Variants in EPN2 observed in about 807,000 individuals in gnomAD.
EPN2 encodes the protein epsin 2.
In EPN2, 34 loss-of-function variants were observed where a neutral mutation model predicts 61.7. The observed-to-expected ratio is 0.55, with a 90% confidence interval of 0.42 to 0.73. The LOEUF is 0.73. EPN2 is among the 30% of genes least tolerant of loss of function. The pLI, the probability that EPN2 is intolerant of heterozygous loss-of-function variation, is 0.00. For missense variants in EPN2, 714 were observed against 839.2 expected, an observed-to-expected ratio of 0.85 and a Z score of 1.84; for synonymous variants, 349 against 353.6, an observed-to-expected ratio of 0.99 and a Z score of 0.15.
Position 19,334,427 on chromosome 17 carries a change from C to A in EPN2, c.*173C>A, listed in dbSNP as rs969107800. 2.1e-6 allele frequency: 1 copy of A among 471,644 alleles called. No individual in the cohort carries two copies. The highest frequency in any genetic ancestry group is 3.5e-6 in the Non-Finnish European group (1 of 283,818). The allele number at this position is 471,644 out of a possible 1,614,324, so 29.2% of individuals were successfully genotyped here. On this transcript the variant is annotated 3_prime_UTR_variant, in exon 11 of 11. Transcript: ENST00000314728. This position sits in a 1 kb window ranked among gnomAD's most constrained non-coding sequence, Gnocchi z 4.9. ...GCCCCAACCCTCAGACCCTCGCCTT[C>A]CAAGGCAGGCCCCTCAGCCTGGCCT...
intron 1 of EPN2, among the ~76,000 whole-genome samples, chr17:19,258,616 G>T (rs778261518): frequency 6.6e-6 from 1 of 152,178 alleles, no homozygotes; most frequent in Non-Finnish European, 1.5e-5. Flanking sequence ...AAATGTGTTT[G>T]CCTGAGACTC....
chr17:19,319,622 C>T (rs375501623), intron 7 of EPN2, among the ~76,000 whole-genome samples: 2 of 151,398 alleles, frequency 1.3e-5, no homozygotes, highest in Non-Finnish European at 2.9e-5. Context: ...TGAGCCACCT[C>T]GCCTGGCCCC....
intron 1 of EPN2, among the ~76,000 whole-genome samples, chr17:19,238,197 G>A (rs541759071): frequency 6.6e-6 from 1 of 152,200 alleles, no homozygotes; most frequent in Non-Finnish European, 1.5e-5. Context: ...CGCGTGGGAT[G>A]GCAGAGACCC....
chr17:19,265,601 T>G (rs1272953948), intron 1 of EPN2, among the ~76,000 whole-genome samples: 1 of 152,146 alleles, frequency 6.6e-6, no homozygotes, highest in Non-Finnish European at 1.5e-5. Context: ...GGCCGATGTC[T>G]ACTTGCCTCC....
chr17:19,301,885 G>A (rs1419704196), intron 4 of EPN2, among the ~76,000 whole-genome samples: 1 of 152,258 alleles, frequency 6.6e-6, no homozygotes, highest in African/African-American at 2.4e-5. Context: ...GCCTAGAGGA[G>A]GCCCTGCTTG....
intron 4 of EPN2, chr17:19,307,777 C>T: frequency 2.5e-6 from 1 of 401,142 alleles, no homozygotes; most frequent in Non-Finnish European, 3.4e-6. Context: ...CAGCCCTCTG[C>T]CCAGAAGCAG....
At chr17:19,242,926 T>C (rs568079401) in intron 1 of EPN2, among the ~76,000 whole-genome samples, 3 of 152,350 alleles carry the variant, frequency 2.0e-5, no homozygotes, top group Non-Finnish European at 4.4e-5. Flanking sequence ...GCTCGATAGC[T>C]GAGAACACCA....
chr17:19,302,258 C>T (rs1270429303), intron 4 of EPN2, among the ~76,000 whole-genome samples: 3 of 152,206 alleles, frequency 2.0e-5, no homozygotes, highest in Non-Finnish European at 4.4e-5. Flanking sequence ...GCTTCTTGTT[C>T]GTTCCCCACA....
chr17:19,250,873 A>C (rs1597970425), intron 1 of EPN2, among the ~76,000 whole-genome samples: 1 of 138,170 alleles, frequency 7.2e-6, no homozygotes, highest in Admixed American at 7.2e-5. Flanking sequence ...CTGCCTCTAT[A>C]CCCTTTCCCT....
chr17:19,273,776 G>A (rs2045279132), intron 1 of EPN2, among the ~76,000 whole-genome samples: 1 of 152,204 alleles, frequency 6.6e-6, no homozygotes, highest in South Asian at 2.1e-4. Context: ...TCTGGTATGA[G>A]GGAAATAAAG....
chr17:19,290,346 A>G lies in EPN2; in HGVS notation c.766+4556A>G, dbSNP rs538007093. 2.0e-5 allele frequency among the ~76,000 whole-genome samples: 3 copies of G among 152,318 alleles called. No individual in the cohort carries two copies. In the East Asian group the frequency reaches 5.8e-4, roughly 29 times the overall value. On this transcript the variant is annotated intron_variant, in intron 4 of 10. Coordinates refer to ENST00000314728, the MANE Select transcript of EPN2 (RefSeq NM_014964.5). ...TGTTCTGTTCTGCAGAACTGGCCACAGTGTCAAAAGGCTTTGGAGAAATTA... is the reference window on the plus strand; with the variant it reads ...TGTTCTGTTCTGCAGAACTGGCCACGGTGTCAAAAGGCTTTGGAGAAATTA...
At chr17:19,330,038 G>T (rs191245404) in intron 9 of EPN2, among the ~76,000 whole-genome samples, 2 of 152,288 alleles carry the variant, frequency 1.3e-5, no homozygotes, top group Non-Finnish European at 2.9e-5. Flanking sequence ...CCTCTGCCCT[G>T]TGTTGTCACC....
intron 4 of EPN2, among the ~76,000 whole-genome samples, chr17:19,297,844 CTAGA>C (rs1180322891): frequency 2.0e-5 from 3 of 152,156 alleles, no homozygotes; most frequent in Admixed American, 6.6e-5. Flanking sequence ...TTCCATGTTG[CTAGA>C]TACTTAGTTA....
intron 6 of EPN2, among the ~76,000 whole-genome samples, chr17:19,312,456 G>C (rs578049874): frequency 6.6e-6 from 1 of 152,336 alleles, no homozygotes; most frequent in East Asian, 1.9e-4. Flanking sequence ...GCTGCGGAAC[G>C]CTTTCCTGCA....
At chr17:19,247,513 A>G (rs2044966152) in intron 1 of EPN2, among the ~76,000 whole-genome samples, 2 of 152,156 alleles carry the variant, frequency 1.3e-5, no homozygotes, top group South Asian at 4.1e-4. Flanking sequence ...GGCAGATGGG[A>G]AGGTATTTCG....
chr17:19,300,858 C>T (rs1201737521), intron 4 of EPN2, among the ~76,000 whole-genome samples: 1 of 152,146 alleles, frequency 6.6e-6, no homozygotes, highest in Non-Finnish European at 1.5e-5. Flanking sequence ...AGGCCAGCTC[C>T]AGGTATCAAG....
intron 4 of EPN2, among the ~76,000 whole-genome samples, chr17:19,291,614 G>T (rs984661490): frequency 6.6e-5 from 10 of 151,258 alleles, no homozygotes; most frequent in Non-Finnish European, 1.0e-4. Context: ...ATTTTTTTTT[G>T]TGTTTTTTGT....
At position 19,280,330 on chromosome 17, in the gene EPN2, G is replaced by T. The variant is rs1167964051; in HGVS notation, c.-293-1625G>T. On this transcript the variant is annotated intron_variant, in intron 1 of 10. Transcript: ENST00000314728. ...GACACATATTTGCCCTTTAAGCTGGGAAATATTCATTAAAAATTAAAGTGT... is the reference window on the plus strand; with the variant it reads ...GACACATATTTGCCCTTTAAGCTGGTAAATATTCATTAAAAATTAAAGTGT... 2.0e-5 allele frequency among the ~76,000 whole-genome samples: 3 copies of T among 152,344 alleles called. 1 individual carries two copies. In the Middle Eastern group the frequency reaches 0.01, roughly 518 times the overall value.
chr17:19,294,234 A>G (rs2045493200), intron 4 of EPN2, among the ~76,000 whole-genome samples: 1 of 146,240 alleles, frequency 6.8e-6, no homozygotes, highest in African/African-American at 2.6e-5. Flanking sequence ...CCTGGACAAC[A>G]CAACAAAACC....
Sources: gnomAD v4.1 joint callset for allele counts (sites outside exome capture counted in the v4.1 genomes callset) on GRCh38, gnomAD v4.1.1 for gene constraint, Gnocchi (gnomAD v3.1) non-coding constraint, MANE v1.5 for transcripts, NCBI Gene and HGNC (gene_info 2026-07-23, HGNC 2026-07-21) for gene names.